The following RBFOX1 variants were observed in gnomAD, a reference collection of about 807,000 sequenced individuals.
RBFOX1 encodes the protein RNA binding fox-1 homolog 1.
Under a neutral mutation model 57.7 loss-of-function variants are expected in RBFOX1, and 8 were observed. The ratio of observed to expected loss-of-function variants is 0.14; its 90% CI spans 0.08 to 0.25. The LOEUF is 0.25. Among genes scored for constraint, RBFOX1 ranks in the 10% least tolerant of loss-of-function variants. The pLI, the probability that RBFOX1 is intolerant of heterozygous loss-of-function variation, is 1.00. For synonymous variants in RBFOX1, 326 were observed against 222.4 expected, an observed-to-expected ratio of 1.47 and a Z score of -4.15; for missense variants, 611 against 548.5, an observed-to-expected ratio of 1.11 and a Z score of -1.14.
chr16:7,702,412 T>G (rs1434702504), intron 14 of RBFOX1, among the ~76,000 whole-genome samples: 1 of 152,224 alleles, frequency 6.6e-6, no homozygotes, highest in African/African-American at 2.4e-5. Context: ...AAGAGATTTG[T>G]CAGAAGCCTT....
At chr16:7,097,233 G>A (rs1269325487) in intron 4 of RBFOX1, among the ~76,000 whole-genome samples, 1 of 152,096 alleles carries the variant, frequency 6.6e-6, no homozygotes, top group African/African-American at 2.4e-5. Flanking sequence ...GTAGGAGGAT[G>A]CTAGGGAGGT....
At chr16:6,665,039 G>A (rs1161677323) in intron 3 of RBFOX1, among the ~76,000 whole-genome samples, 2 of 152,212 alleles carry the variant, frequency 1.3e-5, no homozygotes, top group East Asian at 3.8e-4. Flanking sequence ...ACTAGCTTAA[G>A]GAGAAAAATA....
At chr16:6,470,021 A>C (rs1197076119) in intron 2 of RBFOX1, among the ~76,000 whole-genome samples, 4 of 152,208 alleles carry the variant, frequency 2.6e-5, no homozygotes, top group African/African-American at 4.8e-5. Flanking sequence ...ATTCAAACTT[A>C]ATTCATAGTT....
chr16:5,367,411 G>A (rs1390468155), intron 1 of RBFOX1, among the ~76,000 whole-genome samples: 1 of 152,176 alleles, frequency 6.6e-6, no homozygotes, highest in Non-Finnish European at 1.5e-5. Flanking sequence ...ACCCACTGAT[G>A]TGGGAGGGAA....
intron 4 of RBFOX1, among the ~76,000 whole-genome samples, chr16:5,899,319 C>T (rs2058249945): frequency 6.6e-6 from 1 of 151,974 alleles, no homozygotes; most frequent in African/African-American, 2.4e-5. Context: ...ATGAGATCTA[C>T]AGAGGAGAGC....
At chr16:7,709,188 G>C (rs1251843898) in intron 15 of RBFOX1, 57 bp downstream of exon 15, 1 of 1,493,264 alleles carries the variant, frequency 6.7e-7, no homozygotes, top group Non-Finnish European at 9.3e-7. Flanking sequence ...CCTTTCCCCA[G>C]CTGGGACCTC....
intron 5 of RBFOX1, among the ~76,000 whole-genome samples, chr16:7,540,852 A>G (rs1322467821): frequency 6.6e-6 from 1 of 152,200 alleles, no homozygotes; most frequent in Non-Finnish European, 1.5e-5. Flanking sequence ...AAGTCTTATC[A>G]CTTTCCTTAA....
chr16:5,465,909 C>G (rs1281613621), intron 1 of RBFOX1, among the ~76,000 whole-genome samples: 4 of 152,206 alleles, frequency 2.6e-5, no homozygotes, highest in African/African-American at 9.6e-5. Context: ...AGAGCTGCAT[C>G]TGGTCTCTGT....
intron 1 of RBFOX1, among the ~76,000 whole-genome samples, chr16:5,405,549 G>C (rs1477661808): frequency 6.6e-6 from 1 of 152,084 alleles, no homozygotes; most frequent in Non-Finnish European, 1.5e-5. Flanking sequence ...GTCTTTATTA[G>C]CTGCGTGAGA....
chr16:6,288,645 A>C (rs1372196099), intron 1 of RBFOX1, among the ~76,000 whole-genome samples: 1 of 152,114 alleles, frequency 6.6e-6, no homozygotes, highest in Non-Finnish European at 1.5e-5. Flanking sequence ...TGCAAAATTG[A>C]GATTTAAACC....
chr16:5,835,998 G>C (rs1230208288), intron 3 of RBFOX1, among the ~76,000 whole-genome samples: 2 of 152,204 alleles, frequency 1.3e-5, no homozygotes, highest in South Asian at 2.1e-4. Context: ...GCTGCTTGGA[G>C]GGAGGCTCTG....
chr16:6,383,841 C>A (rs1221803567), intron 2 of RBFOX1, among the ~76,000 whole-genome samples: 1 of 151,744 alleles, frequency 6.6e-6, no homozygotes, highest in Non-Finnish European at 1.5e-5. Context: ...AAATTTTAAA[C>A]CAATTGTCAA....
intron 2 of RBFOX1, among the ~76,000 whole-genome samples, chr16:6,645,696 T>C (rs1447147750): frequency 6.6e-6 from 1 of 152,190 alleles, no homozygotes. Flanking sequence ...AAGTTCTCAA[T>C]GCTTCAATCA....
At chr16:7,258,222 A>G (rs954278224) in intron 4 of RBFOX1, among the ~76,000 whole-genome samples, 1 of 152,242 alleles carries the variant, frequency 6.6e-6, no homozygotes, top group East Asian at 1.9e-4. Context: ...TATGCACACC[A>G]TAAAGATCTT....
intron 3 of RBFOX1, among the ~76,000 whole-genome samples, chr16:5,852,827 C>G (rs1241203502): frequency 6.6e-6 from 1 of 151,966 alleles, no homozygotes; most frequent in Non-Finnish European, 1.5e-5. Context: ...AAAACTCCAT[C>G]TCTAAGGGGA....
intron 2 of RBFOX1, among the ~76,000 whole-genome samples, chr16:6,573,462 T>A (rs997562720): frequency 6.6e-6 from 1 of 152,222 alleles, no homozygotes; most frequent in Non-Finnish European, 1.5e-5. Flanking sequence ...CAGATCATAA[T>A]CAGGGAGCCT....
intron 4 of RBFOX1, among the ~76,000 whole-genome samples, chr16:7,488,049 C>T (rs183582803): frequency 4.6e-5 from 7 of 152,250 alleles, no homozygotes; most frequent in East Asian, 3.9e-4. Flanking sequence ...CGGAAGTAAT[C>T]ACTGGAGGTG....
intron 4 of RBFOX1, among the ~76,000 whole-genome samples, chr16:7,123,463 C>T (rs989734333): frequency 1.3e-5 from 2 of 152,112 alleles, no homozygotes; most frequent in African/African-American, 4.8e-5. Flanking sequence ...CTCCTGGGCT[C>T]AGGTGATCCT....
chr16:5,847,522 C>G (rs1337037128), intron 3 of RBFOX1, among the ~76,000 whole-genome samples: 1 of 152,176 alleles, frequency 6.6e-6, no homozygotes, highest in African/African-American at 2.4e-5. Flanking sequence ...TTTTCAGGGT[C>G]TTACCAAAGG....
Sources: gnomAD v4.1 joint callset for allele counts (sites outside exome capture counted in the v4.1 genomes callset) on GRCh38, gnomAD v4.1.1 for gene constraint, MANE v1.5 for transcripts, NCBI Gene and HGNC (gene_info 2026-07-23, HGNC 2026-07-21) for gene names.